The following SLC24A2 variants were observed in gnomAD, a reference collection of about 807,000 sequenced individuals.
The protein encoded by SLC24A2 is solute carrier family 24 member 2.
A neutral mutation model predicts 62.0 loss-of-function variants in SLC24A2; 36 were observed. The observed-to-expected ratio is 0.58, with a 90% CI of 0.44 to 0.77. SLC24A2 has a LOEUF of 0.77. SLC24A2 is among the 30% of genes least tolerant of loss of function. The probability of loss-of-function intolerance (pLI) is 0.00; values close to 1 mark genes in which losing one functional copy is unlikely to be tolerated. For synonymous variants in SLC24A2, 358 were observed against 294.0 expected, an observed-to-expected ratio of 1.22 and a Z score of -2.23; for missense variants, 846 against 817.9, an observed-to-expected ratio of 1.03 and a Z score of -0.42.
chr9:19,582,027 C>T (rs1836225011), intron 5 of SLC24A2, among the ~76,000 whole-genome samples: 1 of 152,026 alleles, frequency 6.6e-6, no homozygotes, highest in Non-Finnish European at 1.5e-5. Flanking sequence ...TACGTCAAAA[C>T]CTAGTATATA....
chr9:19,830,079 C>T, the SLC24A2 span, among the ~76,000 whole-genome samples: 17 of 152,076 alleles, frequency 1.1e-4, no homozygotes, highest in South Asian at 6.2e-4. Flanking sequence ...AGCCAGTCCA[C>T]GGTGGATGAG....
chr9:20,123,970 C>T, the SLC24A2 span, among the ~76,000 whole-genome samples: 16,582 of 152,232 alleles, frequency 0.11, 955 homozygotes, highest in Middle Eastern at 0.17. Flanking sequence ...ACCTTGGCTT[C>T]TTCCCTATTC....
chr9:19,678,863 A>G (rs555581131), intron 2 of SLC24A2, among the ~76,000 whole-genome samples: 15 of 152,346 alleles, frequency 9.8e-5, no homozygotes, highest in African/African-American at 3.4e-4. Context: ...GGGATAAAAA[A>G]ATCAATTGTG....
At chr9:19,548,666 G>A (rs1366660068) in intron 8 of SLC24A2, among the ~76,000 whole-genome samples, 1 of 152,154 alleles carries the variant, frequency 6.6e-6, no homozygotes, top group Non-Finnish European at 1.5e-5. Context: ...AAGGCAGTTG[G>A]TTATGACGAC....
At chr9:19,965,363 C>G in the SLC24A2 span, among the ~76,000 whole-genome samples, 1 of 152,166 alleles carries the variant, frequency 6.6e-6, no homozygotes, top group African/African-American at 2.4e-5. Flanking sequence ...GAGGAGAAGT[C>G]TGAGTGGGTC....
the SLC24A2 span, among the ~76,000 whole-genome samples, chr9:20,102,319 A>G: frequency 6.6e-5 from 10 of 152,088 alleles, no homozygotes; most frequent in East Asian, 1.5e-3. Context: ...CATAAAAAAA[A>G]GTAAGAGATC....
intron 2 of SLC24A2, among the ~76,000 whole-genome samples, chr9:19,713,306 G>A (rs1820767117): frequency 6.6e-6 from 1 of 152,046 alleles, no homozygotes; most frequent in Admixed American, 6.6e-5. Context: ...ATGGACACAT[G>A]TCACAAGCAG....
At chr9:19,520,850 C>A (rs1423916787) in intron 10 of SLC24A2, 44 bp downstream of exon 10, 2 of 1,591,560 alleles carry the variant, frequency 1.3e-6, no homozygotes, top group Non-Finnish European at 1.7e-6. Context: ...GACAAAGACA[C>A]TGGTGGAGCT....
At chr9:19,552,481 T>G (rs1834892477) in intron 7 of SLC24A2, among the ~76,000 whole-genome samples, 2 of 152,136 alleles carry the variant, frequency 1.3e-5, no homozygotes, top group African/African-American at 2.4e-5. Flanking sequence ...GGGTACTGCA[T>G]CATTCTTAAT....
At chr9:19,910,629 T>C in the SLC24A2 span, among the ~76,000 whole-genome samples, 1 of 152,148 alleles carries the variant, frequency 6.6e-6, no homozygotes, top group Admixed American at 6.6e-5. Flanking sequence ...GGTATGTGTA[T>C]GTACTTAACC....
At chr9:20,300,607 G>A in the SLC24A2 span, among the ~76,000 whole-genome samples, 1 of 152,164 alleles carries the variant, frequency 6.6e-6, no homozygotes, top group African/African-American at 2.4e-5. Flanking sequence ...AGATTTGACA[G>A]CCTGGTACCC....
intron 5 of SLC24A2, among the ~76,000 whole-genome samples, chr9:19,588,330 T>A (rs1021456994): frequency 6.6e-6 from 1 of 152,096 alleles, no homozygotes; most frequent in Non-Finnish European, 1.5e-5. Context: ...GGAAATGGTG[T>A]CTGTGCACAG....
the SLC24A2 span, among the ~76,000 whole-genome samples, chr9:20,052,653 G>T: frequency 6.6e-6 from 1 of 152,118 alleles, no homozygotes. Flanking sequence ...CATTGCTGGT[G>T]AGGACTCTAC....
At chr9:19,517,479 C>G (rs556280739) in intron 10 of SLC24A2, among the ~76,000 whole-genome samples, 8 of 152,238 alleles carry the variant, frequency 5.3e-5, no homozygotes, top group Non-Finnish European at 1.0e-4. Context: ...ACTCATCTGC[C>G]TCCTGTGCTG....
At chr9:19,828,612 A>G in the SLC24A2 span, among the ~76,000 whole-genome samples, 1 of 152,160 alleles carries the variant, frequency 6.6e-6, no homozygotes, top group African/African-American at 2.4e-5. Context: ...TGGGCAAATC[A>G]TATCCTGTTC....
chr9:20,055,810 A>C, the SLC24A2 span, among the ~76,000 whole-genome samples: 1 of 151,886 alleles, frequency 6.6e-6, no homozygotes, highest in Admixed American at 6.6e-5. Context: ...AATCGCTTGA[A>C]CCCAGGATGC....
At chr9:19,574,873 T>C (rs932218826) in intron 6 of SLC24A2, among the ~76,000 whole-genome samples, 4 of 152,310 alleles carry the variant, frequency 2.6e-5, no homozygotes, top group Non-Finnish European at 5.9e-5. Context: ...AATGAGGCTG[T>C]AGTATGCTGT....
At chr9:19,841,568 G>A in the SLC24A2 span, among the ~76,000 whole-genome samples, 3 of 152,178 alleles carry the variant, frequency 2.0e-5, no homozygotes, top group Non-Finnish European at 4.4e-5. Context: ...TTACCTCTCA[G>A]CTCTTAATTC....
chr9:19,646,203 G>A (rs1293980932), intron 2 of SLC24A2, among the ~76,000 whole-genome samples: 1 of 152,162 alleles, frequency 6.6e-6, no homozygotes, highest in Non-Finnish European at 1.5e-5. Context: ...ATGTTCTGGT[G>A]CCTATAAATC....
Sources: gnomAD v4.1 joint callset for allele counts (sites outside exome capture counted in the v4.1 genomes callset) on GRCh38, gnomAD v4.1.1 for gene constraint, MANE v1.5 for transcripts, NCBI Gene and HGNC (gene_info 2026-07-23, HGNC 2026-07-21) for gene names.